The following CLEC12B variants were observed in gnomAD, a reference collection of about 807,000 sequenced individuals.
The protein encoded by CLEC12B is macrophage antigen h.
CLEC12B carries 25 observed loss-of-function variants against 36.1 expected under a neutral mutation model. The observed-to-expected ratio is 0.69, with a 90% CI of 0.50 to 0.97. The LOEUF is 0.97. Among genes scored for constraint, CLEC12B ranks in the 50% least tolerant of loss-of-function variants. The probability of loss-of-function intolerance (pLI) is 0.00; values close to 1 mark genes in which losing one functional copy is unlikely to be tolerated. For missense variants in CLEC12B, 325 were observed against 318.4 expected (o/e 1.02, Z -0.16); for synonymous variants, 110 against 108.5 (o/e 1.01, Z -0.09).
Position 10,014,404 on chromosome 12 carries a change from T to A in CLEC12B, c.191-119T>A, listed in dbSNP as rs563717691. On this transcript the variant is annotated intron_variant, in intron 2 of 5. Coordinates refer to ENST00000338896, the MANE Select transcript of CLEC12B (RefSeq NM_001129998.3). The stretch of plus-strand genomic sequence containing the variant: ...TCTGGTTTGTTTCTTTCATGATACC[T>A]CAAATACTAAGAGCTACTAATAAAT... The A allele has an allele frequency of 1.3e-5, 9 of 683,798 alleles. No individual in the cohort carries two copies. In the South Asian group the frequency reaches 1.6e-4, roughly 12 times the overall value. The allele number at this position is 683,798 out of a possible 1,614,324, so 42.4% of individuals were successfully genotyped here. A position where few individuals can be genotyped will look rare whatever the true frequency, so the allele number is the denominator to read the frequency against.
upstream of CLEC12B, among the ~76,000 whole-genome samples, chr12:10,010,191 GTC>G (rs761413491): frequency 2.2e-3 from 236 of 105,332 alleles, 1 homozygote; most frequent in South Asian, 9.2e-3. Flanking sequence ...GTCTCTCTCT[GTC>G]TCTCTCTCAC....
Position 10,010,744 on chromosome 12 carries a change from A to G in CLEC12B, c.-16A>G, listed in dbSNP as rs1865307386. 1 of 1,488,396 alleles carries G rather than the reference A, an allele frequency of 6.7e-7. No homozygotes were observed. Among genetic ancestry groups the G allele is most frequent in the East Asian group, 2.3e-5 (1 of 44,440 alleles). 92.2% of individuals were successfully genotyped at this position (1,488,396 alleles called of 1,614,324 possible). Reference sequence around the variant, plus strand: ...AAACATTAATTAGATAATTTAAAGTAGCGTTTTCTTCTACAATGTCTGAAG... The same window carrying G: ...AAACATTAATTAGATAATTTAAAGTGGCGTTTTCTTCTACAATGTCTGAAG... On this transcript the variant is annotated 5_prime_UTR_variant, in exon 1 of 6. Coordinates refer to ENST00000338896, the MANE Select transcript of CLEC12B (RefSeq NM_001129998.3).
Position 10,015,948 on chromosome 12 carries a change from A to T in CLEC12B, c.680+221A>T, listed in dbSNP as rs1048467394. 3 of 1,356,442 alleles carry T rather than the reference A, an allele frequency of 2.2e-6. No individual in the cohort carries two copies. The African/African-American group carries it at 4.4e-5, about 20-fold the overall frequency. 84.0% of individuals were successfully genotyped at this position (1,356,442 alleles called of 1,614,324 possible). On this transcript the variant is annotated intron_variant, in intron 5 of 5. Transcript: ENST00000338896. Reference sequence around the variant, plus strand: ...TTTATCTTTTGGTAGAAATGTGTTTATTTAACACACACACACACCTAATAC... The same window carrying T: ...TTTATCTTTTGGTAGAAATGTGTTTTTTTAACACACACACACACCTAATAC...
upstream of CLEC12B, among the ~76,000 whole-genome samples, chr12:10,009,437 G>T (rs573977624): frequency 2.0e-5 from 3 of 151,942 alleles, no homozygotes; most frequent in African/African-American, 7.2e-5. Flanking sequence ...TGCCTTTTCT[G>T]AATTCAACTA....
intron 5 of CLEC12B, chr12:10,017,824 CATATCT>C (rs766397647): frequency 1.9e-5 from 18 of 954,500 alleles, no homozygotes; most frequent in African/African-American, 3.5e-5. Context: ...TTGTCAGAAC[CATATCT>C]ATATAGTCAA....
intron 5 of CLEC12B, chr12:10,018,100 T>C (rs1865531294): frequency 2.8e-6 from 2 of 704,462 alleles, no homozygotes; most frequent in East Asian, 1.3e-4. Context: ...AGTATTTCTC[T>C]TAAAGAATTC....
At chr12:10,015,098 G>T (rs975913792) in intron 3 of CLEC12B, 154 bp from the exon 4 acceptor site, 3 of 675,430 alleles carry the variant, frequency 4.4e-6, no homozygotes, top group Non-Finnish European at 5.0e-6. Context: ...CCCATAACCA[G>T]GGGTCACTTT....
intron 5 of CLEC12B, among the ~76,000 whole-genome samples, chr12:10,018,128 A>G (rs11053548): frequency 0.19 from 28,882 of 152,112 alleles, 3,127 homozygotes; most frequent in Non-Finnish European, 0.26. Context: ...GATTATGATT[A>G]ACTTAAAATA....
chr12:10,009,575 CA>C (rs1865275864), upstream of CLEC12B, among the ~76,000 whole-genome samples: 1 of 139,298 alleles, frequency 7.2e-6, no homozygotes, highest in South Asian at 2.3e-4. Flanking sequence ...AAAAAAAAAA[CA>C]AAAAACATGA....
chr12:10,014,589 A>G lies in CLEC12B; in HGVS notation c.257A>G (p.Gln86Arg). 3 of 1,613,850 alleles carry G rather than the reference A, an allele frequency of 1.9e-6. No individual in the cohort carries two copies. The East Asian group carries it at 6.7e-5, about 36-fold the overall frequency. ...EKLSQLQKTI[Q>R]QQQDNLSQQL... ...TTGAGTCAACTTCAGAAAACCATCC[A>G]ACAGCAGCAGGATAACTTATCCCAG... Residue 86 changes from glutamine (Q) to arginine (R), a missense_variant, in exon 3 of 6, where the codon CAA (glutamine) becomes CGA (arginine). Gln to Arg is a conservative substitution (Grantham distance 43). Transcript: ENST00000338896.
intron 2 of CLEC12B, 159 bp downstream of exon 2, chr12:10,013,042 C>A (rs1328838747): frequency 1.6e-6 from 1 of 640,086 alleles, no homozygotes; most frequent in African/African-American, 1.9e-5. Context: ...TCCCAAAAAA[C>A]CGGCAAAAGA....
chr12:10,006,462 T>C (rs1254291960), upstream of CLEC12B, among the ~76,000 whole-genome samples: 1 of 150,906 alleles, frequency 6.6e-6, no homozygotes, highest in Non-Finnish European at 1.5e-5. Flanking sequence ...GATAAGTTTT[T>C]TGTTTTTTTT....
chr12:10,009,745 C>A (rs948422868), upstream of CLEC12B, among the ~76,000 whole-genome samples: 2 of 152,070 alleles, frequency 1.3e-5, no homozygotes, highest in African/African-American at 4.8e-5. Context: ...CAGATATGAA[C>A]CTTGGAAGTT....
intron 5 of CLEC12B, chr12:10,016,865 TCTTA>T: frequency 2.5e-6 from 1 of 403,612 alleles, no homozygotes; most frequent in South Asian, 1.0e-4. Context: ...AAACACTAGG[TCTTA>T]CTTCTTCTAT....
At chr12:10,006,797 T>G (rs536186214), upstream of CLEC12B, among the ~76,000 whole-genome samples, 7 of 152,292 alleles carry the variant, frequency 4.6e-5, no homozygotes, top group South Asian at 2.1e-4. Flanking sequence ...GGCTCACGCC[T>G]GTAATCTCAG....
chr12:10,015,572 T>C (rs755031891), intron 4 of CLEC12B, 40 bp from the exon 5 acceptor site: 2 of 1,612,190 alleles, frequency 1.2e-6, no homozygotes, highest in Non-Finnish European at 1.7e-6. Context: ...AACTGGAATG[T>C]GGCGCTCACG....
At chr12:10,009,551 T>C (rs901223387), upstream of CLEC12B, among the ~76,000 whole-genome samples, 3 of 144,636 alleles carry the variant, frequency 2.1e-5, no homozygotes, top group Admixed American at 1.4e-4. Flanking sequence ...TTTGATTATT[T>C]CATCAATTTG....
At chr12:10,010,200 T>TCTCTGTCTCTCTCTGTCTCTCTCTCTCA (rs370060573), upstream of CLEC12B, among the ~76,000 whole-genome samples, 2 of 145,800 alleles carry the variant, frequency 1.4e-5, no homozygotes, top group Non-Finnish European at 3.0e-5. Context: ...TGTCTCTCTC[T>TCTCTGTCTCTCTCTGTCTCTCTCTCTCA]CACACACACA....
chr12:10,013,710 G>C (rs1003375558), intron 2 of CLEC12B, among the ~76,000 whole-genome samples: 1 of 152,062 alleles, frequency 6.6e-6, no homozygotes, highest in Non-Finnish European at 1.5e-5. Context: ...ATGATTTAAT[G>C]GATAATTTTT....
Sources: allele counts gnomAD v4.1 joint callset (sites outside exome capture counted in the v4.1 genomes callset), GRCh38; gene constraint gnomAD v4.1.1; transcripts MANE v1.5; gene names NCBI Gene and HGNC (gene_info 2026-07-23, HGNC 2026-07-21).